Variants in SNX24 observed in about 807,000 individuals in gnomAD.
The protein encoded by SNX24 is sorting nexin 24, also known as sorting nexin-24.
SNX24 carries 22 observed loss-of-function variants against 28.7 expected under a neutral mutation model. That is an observed-to-expected ratio of 0.77 (90% CI 0.55 to 1.10). The LOEUF is 1.10. Among genes scored for constraint, SNX24 ranks in the 50% least tolerant of loss-of-function variants. The probability of loss-of-function intolerance (pLI) is 0.00; values close to 1 mark genes in which losing one functional copy is unlikely to be tolerated. For synonymous variants in SNX24, 69 were observed against 71.5 expected, an observed-to-expected ratio of 0.96 and a Z score of 0.18; for missense variants, 221 against 201.1, an observed-to-expected ratio of 1.10 and a Z score of -0.60.
intron 1 of SNX24, among the ~76,000 whole-genome samples, chr5:122,905,997 G>A (rs1757631249): frequency 6.6e-6 from 1 of 152,186 alleles, no homozygotes; most frequent in Non-Finnish European, 1.5e-5. Flanking sequence ...TAAGAGTCAG[G>A]TGGAGGATGT....
At chr5:122,884,064 T>A (rs1756591145) in intron 1 of SNX24, among the ~76,000 whole-genome samples, 1 of 152,178 alleles carries the variant, frequency 6.6e-6, no homozygotes, top group African/African-American at 2.4e-5. Context: ...ACTATTTGAT[T>A]TATTCAATTG....
At chr5:122,856,817 G>A (rs900293267) in intron 1 of SNX24, among the ~76,000 whole-genome samples, 1 of 152,034 alleles carries the variant, frequency 6.6e-6, no homozygotes, top group Non-Finnish European at 1.5e-5. Flanking sequence ...CACCTGGTCT[G>A]TTACTTAATG....
chr5:123,001,327 T>C lies in SNX24; in HGVS notation c.345-78T>C, dbSNP rs372721081. 8 of 901,400 alleles carry C rather than the reference T, an allele frequency of 8.9e-6. No homozygotes were observed. In the East Asian group the frequency reaches 2.0e-4, roughly 23 times the overall value. The allele number at this position is 901,400 out of a possible 1,614,324, so 55.8% of individuals were successfully genotyped here. On this transcript the variant is annotated intron_variant, in intron 4 of 6. Transcript: ENST00000261369. ...AATTCAGTCATCTAATAATATTGGG[T>C]ATTTTTTCCTTTGTTGGCATAAACA...
At chr5:122,891,902 A>G (rs572322385) in intron 1 of SNX24, among the ~76,000 whole-genome samples, 1 of 152,218 alleles carries the variant, frequency 6.6e-6, no homozygotes, top group Non-Finnish European at 1.5e-5. Context: ...TTGAGTGACC[A>G]AAAGTTTGCT....
Position 122,974,072 on chromosome 5 carries a change from C to T in SNX24, c.250-25840C>T, listed in dbSNP as rs573428445. ...TAAATGGGCTGGAGTAATGTGTTGC[C>T]TCCAAAATCTACATAGGTCCACTAG... On this transcript the variant is annotated intron_variant, in intron 3 of 6. Coordinates refer to ENST00000261369, the MANE Select transcript of SNX24 (RefSeq NM_014035.4). 5.4e-4 allele frequency among the ~76,000 whole-genome samples: 83 copies of T among 152,302 alleles called. 1 individual carries two copies. The highest frequency in any genetic ancestry group is 1.9e-3 in the African/African-American group (80 of 41,574).
At chr5:122,938,641 A>G (rs1211530029) in intron 2 of SNX24, among the ~76,000 whole-genome samples, 1 of 97,588 alleles carries the variant, frequency 1.0e-5, no homozygotes, top group Non-Finnish European at 1.9e-5. Context: ...CAAAAAGGTA[A>G]CTTTAAAAGG....
intron 1 of SNX24, among the ~76,000 whole-genome samples, chr5:122,928,121 C>T (rs1221234464): frequency 6.6e-6 from 1 of 152,192 alleles, no homozygotes; most frequent in African/African-American, 2.4e-5. Flanking sequence ...CTTCCCACTG[C>T]CACTCAGACC....
chr5:122,926,476 C>T (rs1758699040), intron 1 of SNX24, among the ~76,000 whole-genome samples: 2 of 152,180 alleles, frequency 1.3e-5, no homozygotes, highest in South Asian at 4.1e-4. Flanking sequence ...CAGATTTACA[C>T]ATGACACAAA....
chr5:122,946,014 G>GTTTTT (rs574269067), intron 2 of SNX24, 41 bp from the exon 3 acceptor site: 9 of 877,798 alleles, frequency 1.0e-5, no homozygotes, highest in South Asian at 6.9e-5. Context: ...AGACATCTCT[G>GTTTTT]TTTTTTTTTT....
At chr5:122,864,060 C>T (rs1755607681) in intron 1 of SNX24, among the ~76,000 whole-genome samples, 3 of 152,188 alleles carry the variant, frequency 2.0e-5, no homozygotes, top group Admixed American at 2.0e-4. Flanking sequence ...AAATCCCTCC[C>T]TTTGTGGAAC....
At chr5:122,890,984 A>G (rs1471829417) in intron 1 of SNX24, 3 of 1,412,288 alleles carry the variant, frequency 2.1e-6, no homozygotes, top group Admixed American at 3.1e-5. Flanking sequence ...ATATAAGAGT[A>G]TGAAGTGAAA....
intron 3 of SNX24, among the ~76,000 whole-genome samples, chr5:122,983,456 C>T (rs1041751609): frequency 5.3e-5 from 8 of 152,092 alleles, no homozygotes; most frequent in Admixed American, 2.6e-4. Flanking sequence ...AACCATTTAC[C>T]TTAGACTCTG....
intron 1 of SNX24, among the ~76,000 whole-genome samples, chr5:122,870,823 A>G (rs921787543): frequency 1.2e-4 from 18 of 152,146 alleles, no homozygotes; most frequent in African/African-American, 4.1e-4. Context: ...AGTTTGAGAA[A>G]AAGGCTGTTG....
At chr5:123,004,728 CTGGGCCTCAGA>C (rs1762363694) in intron 6 of SNX24, among the ~76,000 whole-genome samples, 1 of 152,164 alleles carries the variant, frequency 6.6e-6, no homozygotes, top group Non-Finnish European at 1.5e-5. Flanking sequence ...GGAATTCTTT[CTGGGCCTCAGA>C]TGTGCTGTTT....
At chr5:123,013,074 G>A (rs1273154214), downstream of SNX24, among the ~76,000 whole-genome samples, 1 of 152,202 alleles carries the variant, frequency 6.6e-6, no homozygotes, top group African/African-American at 2.4e-5. Flanking sequence ...TCTTGGGGGT[G>A]TTTGTTATAT....
chr5:122,863,909 G>A (rs149907883), intron 1 of SNX24, among the ~76,000 whole-genome samples: 2 of 150,558 alleles, frequency 1.3e-5, no homozygotes, highest in Admixed American at 1.3e-4. Flanking sequence ...TGATTCAGTG[G>A]CACTGTTCCC....
chr5:122,873,316 T>G (rs771906820), intron 1 of SNX24, among the ~76,000 whole-genome samples: 19 of 152,100 alleles, frequency 1.2e-4, no homozygotes, highest in Non-Finnish European at 2.4e-4. Flanking sequence ...AGGGTTTGCT[T>G]CTTCTGTGAG....
At chr5:122,903,328 C>G (rs907658402) in intron 1 of SNX24, among the ~76,000 whole-genome samples, 3 of 152,128 alleles carry the variant, frequency 2.0e-5, no homozygotes, top group Non-Finnish European at 4.4e-5. Flanking sequence ...CCAAGCTGGT[C>G]TTGAACTCCT....
intron 6 of SNX24, among the ~76,000 whole-genome samples, chr5:123,005,327 A>G (rs1581858366): frequency 1.3e-5 from 2 of 152,050 alleles, no homozygotes; most frequent in Non-Finnish European, 2.9e-5. Flanking sequence ...TCTGCCAGGA[A>G]TGCCCTTCTC....
Sources: allele counts gnomAD v4.1 joint callset (sites outside exome capture counted in the v4.1 genomes callset), GRCh38; gene constraint gnomAD v4.1.1; transcripts MANE v1.5; gene names NCBI Gene and HGNC (gene_info 2026-07-23, HGNC 2026-07-21).